ZNF169: variants seen among roughly 807,000 people sequenced by gnomAD.
ZNF169 encodes the protein zinc finger protein 169.
In ZNF169, 11 loss-of-function variants were observed where a neutral mutation model predicts 12.0. That is an observed-to-expected ratio of 0.92 (90% confidence interval 0.58 to 1.52). The LOEUF (loss-of-function observed/expected upper bound fraction) is 1.52. Ranked by LOEUF, ZNF169 falls within the 40% of genes most tolerant of loss-of-function variation. The pLI is 0.00. For missense variants in ZNF169, 722 were observed against 744.0 expected (o/e 0.97, Z 0.34); for synonymous variants, 302 against 286.5 (o/e 1.05, Z -0.55).
chr9:94,278,986 T>C (rs964958376), intron 2 of ZNF169, 141 bp downstream of exon 2: 1 of 768,238 alleles, frequency 1.3e-6, no homozygotes, highest in African/African-American at 1.8e-5. Context: ...TTTCTCTCAG[T>C]CTTATTTGCT....
intron 4 of ZNF169, 125 bp from the exon 5 acceptor site, chr9:94,299,690 A>G (rs1427440450): frequency 2.3e-5 from 33 of 1,461,142 alleles, no homozygotes; most frequent in Non-Finnish European, 2.9e-5. Context: ...GCAATAGAGC[A>G]TGTAATGTGC....
At chr9:94,288,259 G>C in intron 2 of ZNF169, 1 of 800,128 alleles carries the variant, frequency 1.2e-6, no homozygotes. Context: ...CGAATTGAAG[G>C]TCAGCTTCAG....
chr9:94,290,816 A>G (rs1830813777), intron 2 of ZNF169, among the ~76,000 whole-genome samples: 1 of 152,030 alleles, frequency 6.6e-6, no homozygotes, highest in Non-Finnish European at 1.5e-5. Context: ...TGCTAATTAT[A>G]TGTTTAATTT....
At chr9:94,282,052 G>T (rs1335818491) in intron 2 of ZNF169, among the ~76,000 whole-genome samples, 1 of 152,176 alleles carries the variant, frequency 6.6e-6, no homozygotes, top group Non-Finnish European at 1.5e-5. Context: ...TCCCACAAGA[G>T]ACTTTGCAGA....
At chr9:94,270,697 T>TATATATAAA (rs1485931977) in intron 1 of ZNF169, among the ~76,000 whole-genome samples, 2 of 28,262 alleles carry the variant, frequency 7.1e-5, no homozygotes, top group Non-Finnish European at 1.8e-4. Context: ...AATATATAAT[T>TATATATAAA]TATATAATTA....
chr9:94,289,074 G>A (rs1830776613), intron 2 of ZNF169, among the ~76,000 whole-genome samples: 1 of 152,140 alleles, frequency 6.6e-6, no homozygotes, highest in Non-Finnish European at 1.5e-5. Context: ...GTAAGGGGAT[G>A]TAATGGGAGG....
At chr9:94,272,397 T>A (rs1830438901) in intron 1 of ZNF169, among the ~76,000 whole-genome samples, 1 of 152,182 alleles carries the variant, frequency 6.6e-6, no homozygotes, top group African/African-American at 2.4e-5. Flanking sequence ...AACTTTTTCA[T>A]CTTGCATGAC....
chr9:94,281,789 C>T (rs1830644213), intron 2 of ZNF169, among the ~76,000 whole-genome samples: 1 of 152,122 alleles, frequency 6.6e-6, no homozygotes, highest in African/African-American at 2.4e-5. Flanking sequence ...TTCTGGTTGA[C>T]GGTTGAGTTT....
intron 1 of ZNF169, among the ~76,000 whole-genome samples, chr9:94,269,307 G>C (rs1429799198): frequency 2.6e-5 from 4 of 152,118 alleles, no homozygotes; most frequent in Non-Finnish European, 5.9e-5. Context: ...TTCCCTTGGT[G>C]GTACCGGACA....
At position 94,300,952 on chromosome 9, in the gene ZNF169, G is replaced by A. The variant is rs769518931; in HGVS notation, c.1394G>A (p.Arg465His). ...CCCTACCTGTGCCCTGATTGTGGGC[G>A]TGGCTTTGGTCAGAAGGTCACCCTC... Reference protein sequence around the residue: ...EKPYLCPDCGRGFGQKVTLIR... With the variant: ...EKPYLCPDCGHGFGQKVTLIR... The change falls in exon 5 of 5, where the codon CGT (arginine) becomes CAT (histidine). Residue 465 changes from arginine to histidine, a missense_variant. Coordinates refer to ENST00000395395, the MANE Select transcript of ZNF169 (RefSeq NM_194320.4). 1.6e-5 allele frequency: 25 copies of A among 1,612,080 alleles called. No individual in the cohort carries two copies. The East Asian group carries it at 1.6e-4, about 10-fold the overall frequency.
At chr9:94,275,124 C>G (rs1470887922) in intron 1 of ZNF169, among the ~76,000 whole-genome samples, 1 of 152,110 alleles carries the variant, frequency 6.6e-6, no homozygotes, top group East Asian at 1.9e-4. Flanking sequence ...GTAGCCACAG[C>G]TACTCTGGCG....
At chr9:94,299,708 G>A in intron 4 of ZNF169, 107 bp from the exon 5 acceptor site, 1 of 1,487,950 alleles carries the variant, frequency 6.7e-7, no homozygotes, top group South Asian at 1.4e-5. Flanking sequence ...TGCCCTTGTG[G>A]GTTGGAAGAT....
Position 94,288,034 on chromosome 9 carries a change from A to C in ZNF169, c.34-4307A>C, listed in dbSNP as rs1299451478. The C allele has an allele frequency of 1.0e-5, 8 of 775,148 alleles. No homozygotes were observed. In the East Asian group the frequency reaches 2.0e-4, roughly 19 times the overall value. 48.0% of individuals were successfully genotyped at this position (775,148 alleles called of 1,614,324 possible). On this transcript the variant is annotated intron_variant, in intron 2 of 4. Coordinates refer to ENST00000395395, the MANE Select transcript of ZNF169 (RefSeq NM_194320.4). ...TGAAACTGGAATTCATCAGTCTTGT[A>C]GCCAACTACACTGTTGCTCTAGGTC...
At chr9:94,259,677 C>G (rs1217928608) in intron 1 of ZNF169, among the ~76,000 whole-genome samples, 1 of 152,062 alleles carries the variant, frequency 6.6e-6, no homozygotes, top group African/African-American at 2.4e-5. Flanking sequence ...CCCGGTACTT[C>G]GGGGGCCGCT....
chr9:94,279,074 C>T (rs2118595141), intron 2 of ZNF169, among the ~76,000 whole-genome samples: 1 of 152,248 alleles, frequency 6.6e-6, no homozygotes, highest in Middle Eastern at 3.4e-3. Flanking sequence ...AAATACAGGA[C>T]ATCCATGCTT....
At position 94,300,944 on chromosome 9, in the gene ZNF169, T is replaced by A. The variant is rs866111429; in HGVS notation, c.1386T>A (p.Asp462Glu). Residue 462 changes from aspartate to glutamate, a missense_variant, in exon 5 of 5, where the codon GAT (aspartate) becomes GAA (glutamate). Transcript: ENST00000395395. ...HTGEKPYLCP[D>E]CGRGFGQKVT... is the part of the protein sequence containing the mutation. ...GGGAGAAGCCCTACCTGTGCCCTGA[T>A]TGTGGGCGTGGCTTTGGTCAGAAGG... The A allele has an allele frequency of 4.5e-6, 7 of 1,545,594 alleles. No homozygotes were observed. Among genetic ancestry groups the A allele is most frequent in the Non-Finnish European group, 6.1e-6 (7 of 1,150,874 alleles).
At chr9:94,282,659 C>T (rs190117557) in intron 2 of ZNF169, among the ~76,000 whole-genome samples, 2 of 152,046 alleles carry the variant, frequency 1.3e-5, no homozygotes, top group East Asian at 1.9e-4. Flanking sequence ...GTGATTTGGG[C>T]GCCCCAAGAT....
chr9:94,289,884 G>A (rs1587685149), intron 2 of ZNF169, among the ~76,000 whole-genome samples: 1 of 152,076 alleles, frequency 6.6e-6, no homozygotes, highest in Non-Finnish European at 1.5e-5. Flanking sequence ...TGAGAAATTT[G>A]TAAAGAAAAC....
chr9:94,287,809 T>C, intron 2 of ZNF169: 1 of 1,183,392 alleles, frequency 8.5e-7, no homozygotes, highest in Non-Finnish European at 1.3e-6. Context: ...AGGGTTTGAT[T>C]GTATCCTAAA....
Sources: gnomAD v4.1 joint callset for allele counts (sites outside exome capture counted in the v4.1 genomes callset) on GRCh38, gnomAD v4.1.1 for gene constraint, MANE v1.5 for transcripts, NCBI Gene and HGNC (gene_info 2026-07-23, HGNC 2026-07-21) for gene names.